RAB12: variants seen among roughly 807,000 people sequenced by gnomAD.
RAB12 encodes RAB12, member RAS oncogene family.
A neutral mutation model predicts 28.4 loss-of-function variants in RAB12; 11 were observed. The observed-to-expected ratio is 0.39, with a 90% CI of 0.24 to 0.64. RAB12 has a LOEUF of 0.64. Among genes scored for constraint, RAB12 ranks in the 30% least tolerant of loss-of-function variants. The pLI, the probability that RAB12 is intolerant of heterozygous loss-of-function variation, is 0.50. For synonymous variants in RAB12, 138 were observed against 145.3 expected (o/e 0.95, Z 0.36); for missense variants, 276 against 351.1 (o/e 0.79, Z 1.71).
intron 1 of RAB12, among the ~76,000 whole-genome samples, chr18:8,613,854 A>G (rs2148705877): frequency 6.6e-6 from 1 of 152,080 alleles, no homozygotes. Flanking sequence ...TAGTAGTAGT[A>G]GTAGTAGTAG....
At chr18:8,615,136 G>T (rs550015018) in intron 1 of RAB12, among the ~76,000 whole-genome samples, 19 of 152,304 alleles carry the variant, frequency 1.2e-4, no homozygotes, top group Admixed American at 6.5e-5. Context: ...GAGTGACTCC[G>T]TTTCTTTGGA....
intron 4 of RAB12, 178 bp from the exon 5 acceptor site, chr18:8,636,075 T>A: frequency 1.7e-6 from 1 of 577,836 alleles, no homozygotes; most frequent in Non-Finnish European, 3.1e-6. Flanking sequence ...TCTTTTGTTT[T>A]GCTAGTTGCT....
chr18:8,625,273 A>G (rs1332374302), intron 2 of RAB12, among the ~76,000 whole-genome samples: 2 of 152,226 alleles, frequency 1.3e-5, no homozygotes, highest in African/African-American at 4.8e-5. Flanking sequence ...TTTTCAAATT[A>G]TTTACGTGAT....
At chr18:8,624,274 TG>T (rs1356128751) in intron 1 of RAB12, among the ~76,000 whole-genome samples, 1 of 152,196 alleles carries the variant, frequency 6.6e-6, no homozygotes, top group Non-Finnish European at 1.5e-5. Flanking sequence ...CATACACAAA[TG>T]AAAACTTGGT....
chr18:8,620,139 CTTT>C (rs71165795), intron 1 of RAB12, among the ~76,000 whole-genome samples: 15 of 53,952 alleles, frequency 2.8e-4, no homozygotes, highest in African/African-American at 2.4e-4. Context: ...TTTTCTTCTT[CTTT>C]TTTTTTTTTT....
chr18:8,613,516 C>G lies in RAB12; in HGVS notation c.514+3563C>G, dbSNP rs563934469. Among the ~76,000 whole-genome samples the G allele has an allele frequency of 5.3e-5, 8 of 152,196 alleles. No homozygotes were observed. In the South Asian group the frequency reaches 1.2e-3, roughly 24 times the overall value. ...CTTGATCTTGGTTCCTTCTGTTTGA[C>G]TCTCATTAGTTTTAGCATAAACAGG... On this transcript the variant is annotated intron_variant, in intron 1 of 5. Transcript: ENST00000649141.
chr18:8,638,309 A>T lies in RAB12; in HGVS notation c.*47A>T. 3.0e-6 allele frequency: 4 copies of T among 1,352,494 alleles called. No homozygotes were observed. The highest frequency in any genetic ancestry group is 3.2e-6 in the Non-Finnish European group (3 of 944,380). 83.8% of individuals were successfully genotyped at this position (1,352,494 alleles called of 1,614,324 possible). ...TGGAAATGATTCCTGGAAAGGGGAA[A>T]AAACGTTCTATTCTGCACTACAATC... On this transcript the variant is annotated 3_prime_UTR_variant, in exon 6 of 6. Transcript: ENST00000649141.
chr18:8,627,673 G>C (rs9948960), intron 2 of RAB12, among the ~76,000 whole-genome samples: 4 of 152,180 alleles, frequency 2.6e-5, no homozygotes, highest in Admixed American at 2.0e-4. Flanking sequence ...ACTTGGAGTT[G>C]TGTTGAAATG....
chr18:8,614,512 A>AAAG (rs2096005634), intron 1 of RAB12, among the ~76,000 whole-genome samples: 1 of 141,728 alleles, frequency 7.1e-6, no homozygotes, highest in Non-Finnish European at 1.6e-5. Flanking sequence ...CATTAAAAAA[A>AAAG]AAAAAAGAAA....
chr18:8,611,300 A>T (rs936424080), intron 1 of RAB12, among the ~76,000 whole-genome samples: 1 of 152,234 alleles, frequency 6.6e-6, no homozygotes, highest in African/African-American at 2.4e-5. Context: ...TAAATAAAGT[A>T]GGGTTAAATT....
intron 3 of RAB12, among the ~76,000 whole-genome samples, chr18:8,633,883 C>A (rs1035729623): frequency 6.6e-6 from 1 of 152,116 alleles, no homozygotes; most frequent in Non-Finnish European, 1.5e-5. Context: ...GTGGGTTCTC[C>A]GCTAAGAAAC....
intron 3 of RAB12, among the ~76,000 whole-genome samples, chr18:8,633,938 G>A (rs188133157): frequency 6.6e-6 from 1 of 152,282 alleles, no homozygotes; most frequent in African/African-American, 2.4e-5. Flanking sequence ...TTGGGAGTGG[G>A]ATGTGATGAT....
At chr18:8,620,768 C>T (rs1390922538) in intron 1 of RAB12, among the ~76,000 whole-genome samples, 3 of 151,886 alleles carry the variant, frequency 2.0e-5, no homozygotes, top group South Asian at 2.1e-4. Flanking sequence ...CGTAGCCTGT[C>T]GGGGAGGCCA....
intron 2 of RAB12, among the ~76,000 whole-genome samples, chr18:8,629,630 C>T (rs1240524804): frequency 1.3e-5 from 2 of 152,224 alleles, no homozygotes; most frequent in African/African-American, 4.8e-5. Context: ...CAAATGGCTT[C>T]ACTTTATGTG....
chr18:8,624,077 G>A (rs576935389), intron 1 of RAB12, among the ~76,000 whole-genome samples: 5 of 152,230 alleles, frequency 3.3e-5, no homozygotes, highest in African/African-American at 4.8e-5. Context: ...CTGCTGGCCC[G>A]GGGAGCTGGG....
chr18:8,637,374 T>G (rs2096019548), intron 5 of RAB12, among the ~76,000 whole-genome samples: 1 of 152,180 alleles, frequency 6.6e-6, no homozygotes, highest in Non-Finnish European at 1.5e-5. Context: ...TTTTTAAAAT[T>G]TATTAATGTA....
At chr18:8,626,396 T>C (rs1405194511) in intron 2 of RAB12, among the ~76,000 whole-genome samples, 2 of 152,268 alleles carry the variant, frequency 1.3e-5, no homozygotes, top group African/African-American at 4.8e-5. Flanking sequence ...GTAAACATTA[T>C]TAGAATGTGT....
At chr18:8,628,849 G>T (rs1244492955) in intron 2 of RAB12, among the ~76,000 whole-genome samples, 9 of 152,078 alleles carry the variant, frequency 5.9e-5, no homozygotes, top group Non-Finnish European at 1.0e-4. Flanking sequence ...CCAGTTTCTG[G>T]ATTCTTAAGT....
In RAB12 at chr18:8,638,476, C is replaced by A; in HGVS notation, c.*214C>A. 1.9e-6 allele frequency: 1 copy of A among 517,456 alleles called. No individual in the cohort carries two copies. The highest frequency in any genetic ancestry group is 3.5e-6 in the Non-Finnish European group (1 of 285,864). 32.1% of individuals were successfully genotyped at this position (517,456 alleles called of 1,614,324 possible). A position where few individuals can be genotyped will look rare whatever the true frequency, so the allele number is the denominator to read the frequency against. On this transcript the variant is annotated 3_prime_UTR_variant, in exon 6 of 6. Coordinates refer to ENST00000649141, the MANE Select transcript of RAB12 (RefSeq NM_001025300.3). ...AAATTATTATATTTCATTCATTACCCCAGTGTCTAGTGTACATACACTGGG... is the reference window on the plus strand; with the variant it reads ...AAATTATTATATTTCATTCATTACCACAGTGTCTAGTGTACATACACTGGG...
Sources: allele counts gnomAD v4.1 joint callset (sites outside exome capture counted in the v4.1 genomes callset), GRCh38; gene constraint gnomAD v4.1.1; transcripts MANE v1.5; gene names NCBI Gene and HGNC (gene_info 2026-07-23, HGNC 2026-07-21).